Variants in HS3ST1 observed in about 807,000 individuals in gnomAD.
HS3ST1 encodes heparan sulfate glucosamine 3-O-sulfotransferase 1.
In HS3ST1, 8 loss-of-function variants were observed where a neutral mutation model predicts 20.7. The observed-to-expected ratio is 0.39, with a 90% CI of 0.23 to 0.70. The LOEUF is 0.70. Among genes scored for constraint, HS3ST1 ranks in the 30% least tolerant of loss-of-function variants. The pLI is 0.46. For synonymous variants in HS3ST1, 205 were observed against 190.4 expected, an observed-to-expected ratio of 1.08 and a Z score of -0.63; for missense variants, 436 against 423.4, an observed-to-expected ratio of 1.03 and a Z score of -0.26.
rs1718239448 is a variant in HS3ST1, at chr4:11,399,310, C to G, written c.696G>C (p.Glu232Asp). 6.2e-7 allele frequency: 1 copy of G among 1,614,148 alleles called. No individual in the cohort carries two copies. Among genetic ancestry groups the G allele is most frequent in the Non-Finnish European group, 8.5e-7 (1 of 1,180,028 alleles). The change falls in exon 2 of 2, where the codon GAG becomes GAC. Residue 232 changes from glutamate (E) to aspartate (D), a missense_variant. Coordinates refer to ENST00000002596, the MANE Select transcript of HS3ST1 (RefSeq NM_005114.4). This position sits in a 1 kb window ranked among gnomAD's most constrained non-coding sequence, Gnocchi z 5.1. Reference protein sequence around the residue: ...RDPFPEIQKVERFLKLSPQIN... With the variant: ...RDPFPEIQKVDRFLKLSPQIN... ...TCTGCGGCGACAGCTTTAGGAACCT[C>G]TCGACCTTTTGGATCTCAGGGAAGG...
intron 1 of HS3ST1, among the ~76,000 whole-genome samples, chr4:11,406,418 G>T (rs529345328): frequency 6.6e-6 from 1 of 152,154 alleles, no homozygotes; most frequent in South Asian, 2.1e-4. Flanking sequence ...CTTGATAGGG[G>T]TGTCATCATA....
Position 11,399,947 on chromosome 4 carries a change from G to A in HS3ST1, c.59C>T (p.Ser20Phe). 1 of 1,568,064 alleles carries A rather than the reference G, an allele frequency of 6.4e-7. No homozygotes were observed. The highest frequency in any genetic ancestry group is 8.6e-7 in the Non-Finnish European group (1 of 1,161,116). Residue 20 changes from serine to phenylalanine, a missense_variant, in exon 2 of 2, where the codon TCC (serine) becomes TTC (phenylalanine). Transcript: ENST00000002596. This position sits in a 1 kb window ranked among gnomAD's most constrained non-coding sequence, Gnocchi z 5.1. ...CTGCTGGCCTAGCTCGGCGGGGCGG[G>A]AAGGCACTAGCTGGGGCTGGGCCAC... ...LLVAQPQLVP[S>F]RPAELGQQEL...
At chr4:11,413,577 A>G (rs1718691913) in intron 1 of HS3ST1, among the ~76,000 whole-genome samples, 1 of 152,158 alleles carries the variant, frequency 6.6e-6, no homozygotes, top group Admixed American at 6.5e-5. Context: ...ATCAGGCACT[A>G]AGAAATTAGA....
upstream of HS3ST1, among the ~76,000 whole-genome samples, chr4:11,433,220 C>G (rs370086054): frequency 2.0e-5 from 3 of 152,204 alleles, no homozygotes; most frequent in East Asian, 5.8e-4. Context: ...GGGAAGCCCT[C>G]AAGGTACCAT....
In HS3ST1 at chr4:11,399,555, C is replaced by G. The variant is rs556962591; in HGVS notation, c.451G>C (p.Glu151Gln). Residue 151 changes from glutamate to glutamine, a missense_variant, in exon 2 of 2, where the codon GAG becomes CAG. By Grantham distance (29) the Glu-to-Gln change is conservative. Coordinates refer to ENST00000002596, the MANE Select transcript of HS3ST1 (RefSeq NM_005114.4). This position sits in a 1 kb window ranked among gnomAD's most constrained non-coding sequence, Gnocchi z 5.1. ...RLLLILRDPSERVLSDYTQVF... is the reference protein window; with the variant it reads ...RLLLILRDPSQRVLSDYTQVF... ...TGGGTGTAGTCAGATAGCACGCGCT[C>G]CGACGGGTCTCGCAGGATGAGCAGC... The G allele has an allele frequency of 1.2e-6, 2 of 1,613,758 alleles. No homozygotes were observed. The highest frequency in any genetic ancestry group is 1.7e-6 in the Non-Finnish European group (2 of 1,180,054).
intron 1 of HS3ST1, among the ~76,000 whole-genome samples, chr4:11,426,498 T>C (rs1719065436): frequency 6.6e-6 from 1 of 152,026 alleles, no homozygotes. Flanking sequence ...CACAGGAAAG[T>C]AAAGAACCCT....
At chr4:11,412,620 T>C (rs1718667509) in intron 1 of HS3ST1, among the ~76,000 whole-genome samples, 1 of 152,196 alleles carries the variant, frequency 6.6e-6, no homozygotes, top group Non-Finnish European at 1.5e-5. Context: ...GAAAAGAGGC[T>C]GTTTCCTTGG....
rs751737472 is a variant in HS3ST1 at position 11,399,115 on chromosome 4, G to T, written c.891C>A (p.Phe297Leu). Reference protein sequence around the residue: ...EYFHEPNKKFFELVGRTFDWH With the variant: ...EYFHEPNKKFLELVGRTFDWH Reference sequence around the variant, plus strand: ...AGTCAAATGTTCTGCCAACAAGCTCGAAGAACTTCTTATTTGGCTCATGAA... The same window carrying T: ...AGTCAAATGTTCTGCCAACAAGCTCTAAGAACTTCTTATTTGGCTCATGAA... The change falls in exon 2 of 2, where the codon TTC becomes TTA. Residue 297 changes from phenylalanine (F) to leucine (L), a missense_variant. By Grantham distance (22) the Phe-to-Leu change is conservative. Coordinates refer to ENST00000002596, the MANE Select transcript of HS3ST1 (RefSeq NM_005114.4). This position sits in a 1 kb window ranked among gnomAD's most constrained non-coding sequence, Gnocchi z 5.1. 1 of 1,613,610 alleles carries T rather than the reference G, an allele frequency of 6.2e-7. No homozygotes were observed. Among genetic ancestry groups the T allele is most frequent in the East Asian group, 2.2e-5 (1 of 44,878 alleles).
chr4:11,400,826 A>G (rs73110314), intron 1 of HS3ST1, among the ~76,000 whole-genome samples: 2,484 of 152,334 alleles, frequency 0.016, 72 homozygotes, highest in African/African-American at 0.057. Flanking sequence ...GTGACAACGT[A>G]TCAGTCCCCA....
intron 1 of HS3ST1, among the ~76,000 whole-genome samples, chr4:11,411,695 G>A (rs1373416343): frequency 6.6e-6 from 1 of 152,098 alleles, no homozygotes; most frequent in African/African-American, 2.4e-5. Flanking sequence ...ATCCATCAGT[G>A]GCCTGGTCAT....
intron 1 of HS3ST1, among the ~76,000 whole-genome samples, chr4:11,409,666 A>T (rs1448166402): frequency 1.3e-5 from 2 of 152,214 alleles, no homozygotes; most frequent in Non-Finnish European, 2.9e-5. Context: ...TAAACCATCC[A>T]TTGCAAGGTA....
intron 1 of HS3ST1, among the ~76,000 whole-genome samples, chr4:11,409,810 GTGACATCTA>G (rs1718569972): frequency 6.6e-6 from 1 of 152,180 alleles, no homozygotes; most frequent in South Asian, 2.1e-4. Flanking sequence ...GTTTAGGCAA[GTGACATCTA>G]TGTATGAAGC....
At chr4:11,424,106 C>T (rs958394730) in intron 1 of HS3ST1, among the ~76,000 whole-genome samples, 10 of 151,602 alleles carry the variant, frequency 6.6e-5, no homozygotes, top group South Asian at 2.1e-4. Context: ...CCTGCAGCCC[C>T]TGTGCTGGAT....
chr4:11,406,426 A>T (rs550981122), intron 1 of HS3ST1, among the ~76,000 whole-genome samples: 1 of 152,168 alleles, frequency 6.6e-6, no homozygotes. Context: ...GGGTGTCATC[A>T]TAATTAAATA....
chr4:11,408,833 G>A (rs1718539251), intron 1 of HS3ST1, among the ~76,000 whole-genome samples: 1 of 152,232 alleles, frequency 6.6e-6, no homozygotes, highest in South Asian at 2.1e-4. Flanking sequence ...CCACAGTGGG[G>A]TGCATGGCTT....
intron 1 of HS3ST1, among the ~76,000 whole-genome samples, chr4:11,406,872 C>A (rs1408115377): frequency 1.3e-5 from 2 of 150,184 alleles, no homozygotes; most frequent in East Asian, 1.9e-4. Flanking sequence ...TTTTTTTAAT[C>A]TACCAAACTT....
At position 11,396,920 on chromosome 4, in the gene HS3ST1, C is replaced by A. The variant is rs962294581; in HGVS notation, c.*2162G>T. 3.3e-5 allele frequency: 5 copies of A among 152,368 alleles called. No homozygotes were observed. The highest frequency in any genetic ancestry group is 1.2e-4 in the African/African-American group (5 of 41,460). The allele number at this position is 152,368 out of a possible 1,614,324, so 9.4% of individuals were successfully genotyped here. A position where few individuals can be genotyped will look rare whatever the true frequency, so the allele number is the denominator to read the frequency against. On this transcript the variant is annotated 3_prime_UTR_variant, in exon 2 of 2. Coordinates refer to ENST00000002596, the MANE Select transcript of HS3ST1 (RefSeq NM_005114.4). The stretch of plus-strand genomic sequence containing the variant: ...GGTCCTGTCTTCCTCCACTCCTCCC[C>A]GCTGCCTCTTGCATCCACAGTTCAT...
intron 1 of HS3ST1, among the ~76,000 whole-genome samples, chr4:11,416,091 A>G (rs115313115): frequency 3.9e-5 from 6 of 152,320 alleles, no homozygotes; most frequent in Non-Finnish European, 8.8e-5. Flanking sequence ...GAGTGCAGGT[A>G]GCATTGACCT....
At chr4:11,408,756 C>T (rs752986534) in intron 1 of HS3ST1, among the ~76,000 whole-genome samples, 1 of 152,364 alleles carries the variant, frequency 6.6e-6, no homozygotes, top group South Asian at 2.1e-4. Flanking sequence ...TCTCTTATTA[C>T]TCAGTGCAAC....
Sources: gnomAD v4.1 joint callset for allele counts (sites outside exome capture counted in the v4.1 genomes callset) on GRCh38, gnomAD v4.1.1 for gene constraint, Gnocchi (gnomAD v3.1) non-coding constraint, MANE v1.5 for transcripts, NCBI Gene and HGNC (gene_info 2026-07-23, HGNC 2026-07-21) for gene names.